The following CRISP1 variants were observed in gnomAD, a reference collection of about 807,000 sequenced individuals.
CRISP1 encodes the protein cysteine rich secretory protein 1.
Under a neutral mutation model 33.1 loss-of-function variants are expected in CRISP1, and 44 were observed. The ratio of observed to expected loss-of-function variants is 1.33; its 90% CI spans 1.05 to 1.71. CRISP1 has a LOEUF of 1.71. CRISP1 is among the 40% of genes most tolerant of loss of function. The pLI, the probability that CRISP1 is intolerant of heterozygous loss-of-function variation, is 0.00. For missense variants in CRISP1, 390 were observed against 301.2 expected (o/e 1.29, Z -2.18); for synonymous variants, 103 against 98.7 (o/e 1.04, Z -0.26).
chr6:49,848,325 C>A, intron 3 of CRISP1, 26 bp from the exon 4 acceptor site: 2 of 1,345,758 alleles, frequency 1.5e-6, no homozygotes, highest in Admixed American at 4.2e-5. Flanking sequence ...AAAAAAAGCA[C>A]ATGTTCCAAT....
intron 1 of CRISP1, among the ~76,000 whole-genome samples, chr6:49,875,920 G>C (rs186247406): frequency 6.6e-6 from 1 of 151,756 alleles, no homozygotes. Context: ...AGACTTAAAC[G>C]TCAAACCCCA....
Position 49,835,402 on chromosome 6 carries a change from T to C in CRISP1, c.664A>G (p.Ile222Val). The change falls in exon 8 of 8, where the codon ATA becomes GTA. Residue 222 changes from isoleucine to valine, a missense_variant. Ile to Val is a conservative substitution (Grantham distance 29). Coordinates refer to ENST00000335847, the MANE Select transcript of CRISP1 (RefSeq NM_001131.3). The part of the protein sequence containing the change: ...IYYDEYFDCD[I>V]QVHYLGCNHS... ...TTGCATCCCAGATAATGGACTTGTA[T>C]GTCACAGTCGAAGTATTCATCATAG... 6.2e-7 allele frequency: 1 copy of C among 1,613,702 alleles called. No individual in the cohort carries two copies. The highest frequency in any genetic ancestry group is 8.5e-7 in the Non-Finnish European group (1 of 1,179,642).
intron 7 of CRISP1, among the ~76,000 whole-genome samples, chr6:49,837,244 T>A (rs1167993573): frequency 2.0e-5 from 3 of 152,168 alleles, no homozygotes; most frequent in Admixed American, 2.0e-4. Context: ...CTCAAACACT[T>A]ACAGGTGAAG....
At chr6:49,857,229 G>T in intron 2 of CRISP1, 106 bp downstream of exon 2, 2 of 966,448 alleles carry the variant, frequency 2.1e-6, no homozygotes, top group Non-Finnish European at 1.6e-6. Context: ...GTGAGTAATG[G>T]GTGTAGTGGC....
In CRISP1 at chr6:49,836,373, T is replaced by C. The variant is rs534534688; in HGVS notation, c.623-930A>G. Among the ~76,000 whole-genome samples the C allele has an allele frequency of 3.4e-3, 508 of 151,548 alleles. 1 individual carries two copies. Among genetic ancestry groups the C allele is most frequent in the African/African-American group, 0.012 (495 of 41,412 alleles). On this transcript the variant is annotated intron_variant, in intron 7 of 7. Transcript: ENST00000335847. ...TTTTTTGAGACGGAGTCTCGCTCTGTGGCCCAGGCAGGAGTGCAGTGGTGC... is the reference window on the plus strand; with the variant it reads ...TTTTTTGAGACGGAGTCTCGCTCTGCGGCCCAGGCAGGAGTGCAGTGGTGC...
intron 2 of CRISP1, among the ~76,000 whole-genome samples, chr6:49,854,131 G>C (rs1241645871): frequency 6.6e-6 from 1 of 152,076 alleles, no homozygotes; most frequent in African/African-American, 2.4e-5. Flanking sequence ...TGCTTCAACT[G>C]TCTCACCCAG....
At chr6:49,857,292 C>T (rs766089358) in intron 2 of CRISP1, 43 bp downstream of exon 2, 2 of 1,581,546 alleles carry the variant, frequency 1.3e-6, no homozygotes, top group Admixed American at 1.7e-5. Flanking sequence ...TAGCTCTTAT[C>T]TTTATTTAGA....
rs16879842 is a variant in CRISP1, at chr6:49,836,938, T to C, written c.623-1495A>G. Among the ~76,000 whole-genome samples the C allele has an allele frequency of 6.9e-3, 1,052 of 152,260 alleles. 11 individuals carry two copies. The highest frequency in any genetic ancestry group is 0.023 in the African/African-American group (970 of 41,558). On this transcript the variant is annotated intron_variant, in intron 7 of 7. Coordinates refer to ENST00000335847, the MANE Select transcript of CRISP1 (RefSeq NM_001131.3). ...TCAATTACCTATCTTTATCCTACTT[T>C]ATTCTCTTATGTAGTATTCTGGTGA...
rs183882117 is a variant in CRISP1, at chr6:49,859,924, T to C, written c.-2-2522A>G. Among the ~76,000 whole-genome samples the C allele has an allele frequency of 3.4e-3, 510 of 152,140 alleles. 4 individuals are homozygous for C. The highest frequency in any genetic ancestry group is 0.012 in the African/African-American group (490 of 41,540). ...AAAGCAAAGGGATATCAAAAGATACTTCATGCAAATGGAAACCAAAACCAA... is the reference window on the plus strand; with the variant it reads ...AAAGCAAAGGGATATCAAAAGATACCTCATGCAAATGGAAACCAAAACCAA... On this transcript the variant is annotated intron_variant, in intron 1 of 7. Coordinates refer to ENST00000335847, the MANE Select transcript of CRISP1 (RefSeq NM_001131.3).
intron 3 of CRISP1, among the ~76,000 whole-genome samples, chr6:49,849,780 C>T (rs951595333): frequency 6.6e-6 from 1 of 151,748 alleles, no homozygotes; most frequent in Non-Finnish European, 1.5e-5. Context: ...TTAGAATTAC[C>T]CTTGGGGTTG....
chr6:49,854,135 C>T (rs1038083737), intron 2 of CRISP1, among the ~76,000 whole-genome samples: 2 of 152,126 alleles, frequency 1.3e-5, no homozygotes, highest in Admixed American at 1.3e-4. Context: ...TCAACTGTCT[C>T]ACCCAGTCTG....
intron 5 of CRISP1, among the ~76,000 whole-genome samples, chr6:49,846,114 A>G (rs772985352): frequency 6.6e-6 from 1 of 152,206 alleles, no homozygotes; most frequent in Non-Finnish European, 1.5e-5. Flanking sequence ...TGCCACATTA[A>G]TGCTGAACAT....
chr6:49,848,407 C>T, intron 3 of CRISP1, 108 bp from the exon 4 acceptor site: 1 of 569,674 alleles, frequency 1.8e-6, no homozygotes, highest in Non-Finnish European at 2.9e-6. Flanking sequence ...ATTGTATCAA[C>T]TAGAAATTTA....
intron 5 of CRISP1, among the ~76,000 whole-genome samples, 179 bp from the exon 6 acceptor site, chr6:49,841,174 T>G (rs551003787): frequency 2.3e-4 from 35 of 152,272 alleles, no homozygotes; most frequent in African/African-American, 7.5e-4. Context: ...CACACATGCA[T>G]GTACACGCAC....
In CRISP1 at chr6:49,860,307, A is replaced by G. The variant is rs952263116; in HGVS notation, c.-2-2905T>C. On this transcript the variant is annotated intron_variant, in intron 1 of 7. Transcript: ENST00000335847. Reference sequence around the variant, plus strand: ...TTATAGAACATTTTATCCAACAGCTACAAAGTGCACATTCCTCTCATCAGC... The same window carrying G: ...TTATAGAACATTTTATCCAACAGCTGCAAAGTGCACATTCCTCTCATCAGC... Among the ~76,000 whole-genome samples the G allele has an allele frequency of 3.3e-5, 5 of 152,304 alleles. No individual in the cohort carries two copies. In the South Asian group the frequency reaches 8.3e-4, roughly 25 times the overall value.
intron 4 of CRISP1, among the ~76,000 whole-genome samples, chr6:49,847,177 T>G (rs1383284845): frequency 5.9e-5 from 9 of 152,148 alleles, no homozygotes. Context: ...GGACTAAGAT[T>G]CCAAATAATC....
intron 2 of CRISP1, among the ~76,000 whole-genome samples, chr6:49,853,872 A>C (rs959414303): frequency 1.3e-5 from 2 of 152,180 alleles, no homozygotes; most frequent in African/African-American, 4.8e-5. Flanking sequence ...CTATCAGCTG[A>C]GCATTGCCAG....
At chr6:49,862,790 T>G (rs937231582) in intron 1 of CRISP1, among the ~76,000 whole-genome samples, 1 of 149,460 alleles carries the variant, frequency 6.7e-6, no homozygotes, top group African/African-American at 2.5e-5. Flanking sequence ...CACTCAAAGT[T>G]ACACCTTCTC....
At chr6:49,873,240 A>G (rs1392907864) in intron 1 of CRISP1, among the ~76,000 whole-genome samples, 1 of 152,104 alleles carries the variant, frequency 6.6e-6, no homozygotes, top group African/African-American at 2.4e-5. Flanking sequence ...TCAAGGATAT[A>G]ACACAACTTT....
Sources: allele counts gnomAD v4.1 joint callset (sites outside exome capture counted in the v4.1 genomes callset), GRCh38; gene constraint gnomAD v4.1.1; transcripts MANE v1.5; gene names NCBI Gene and HGNC (gene_info 2026-07-23, HGNC 2026-07-21).